DMTN: variants seen among roughly 807,000 people sequenced by gnomAD.
The protein encoded by DMTN is dematin.
In DMTN, 27 loss-of-function variants were observed where a neutral mutation model predicts 59.4. The observed-to-expected ratio is 0.45, with a 90% CI of 0.33 to 0.63. The LOEUF is 0.63. DMTN is among the 20% of genes least tolerant of loss of function. The pLI is 0.02. For missense variants in DMTN, 451 were observed against 528.9 expected (o/e 0.85, Z 1.45); for synonymous variants, 221 against 203.7 (o/e 1.08, Z -0.72).
At chr8:22,081,089 G>A (rs1823959331) in intron 14 of DMTN, 24 bp from the exon 15 acceptor site, 1 of 1,560,882 alleles carries the variant, frequency 6.4e-7, no homozygotes, top group Non-Finnish European at 8.8e-7. Context: ...GTGAGCCTAA[G>A]ATTGCCCCTC....
At position 22,079,759 on chromosome 8, in the gene DMTN, CA is replaced by C. The variant is rs964449487; in HGVS notation, c.836-411del. On this transcript the variant is annotated intron_variant, in intron 10 of 15. Transcript: ENST00000358242. ...ACAGGCATGAGCCACCACTCCTGGC[CA>C]AAAAAAAAATTTTTTTTTTTTAGAT... is the stretch of plus-strand genomic sequence containing the variant. 5.3e-4 allele frequency among the ~76,000 whole-genome samples: 78 copies of C among 147,656 alleles called. 1 individual carries two copies. In the East Asian group the frequency reaches 7.7e-3, roughly 15 times the overall value.
chr8:22,061,531 A>G (rs1036838342), intron 1 of DMTN, among the ~76,000 whole-genome samples: 5 of 152,042 alleles, frequency 3.3e-5, no homozygotes, highest in Non-Finnish European at 7.4e-5. Flanking sequence ...CACCTCTCTG[A>G]GTAGCCACCA....
upstream of DMTN, chr8:22,049,107 C>T (rs1801054256): frequency 6.7e-6 from 1 of 149,008 alleles, no homozygotes; most frequent in African/African-American, 2.4e-5. Context: ...TCCAGCCGGG[C>T]CCCGGGCCCC....
chr8:22,058,741 A>C lies in DMTN; in HGVS notation c.-172+1605A>C, dbSNP rs969982056. 2.6e-5 allele frequency among the ~76,000 whole-genome samples: 4 copies of C among 152,164 alleles called. No homozygotes were observed. Among genetic ancestry groups the C allele is most frequent in the Admixed American group, 6.5e-5 (1 of 15,292 alleles). On this transcript the variant is annotated intron_variant, in intron 1 of 15. Coordinates refer to ENST00000358242, the MANE Select transcript of DMTN (RefSeq NM_001387751.1). The surrounding 1 kb of genome is among the most constrained non-coding windows in gnomAD (Gnocchi z 4.3). ...TAGGGGAACCCTCATCCCAGCAGAC[A>C]CAACGGTAAAAAACATTGGAGTAGG...
Position 22,082,273 on chromosome 8 carries a change from C to A in DMTN, c.*810C>A, listed in dbSNP as rs1049939. On this transcript the variant is annotated 3_prime_UTR_variant, in exon 16 of 16. Coordinates refer to ENST00000358242, the MANE Select transcript of DMTN (RefSeq NM_001387751.1). The stretch of plus-strand genomic sequence containing the variant: ...CTCTCACCTACACCCACGCACCCCC[C>A]CACACACTATGCTCTCTCAAGAATG... The A allele has an allele frequency of 4.4e-6, 2 of 456,950 alleles. No homozygotes were observed. Among genetic ancestry groups the A allele is most frequent in the East Asian group, 7.0e-5 (1 of 14,386 alleles). 28.3% of individuals were successfully genotyped at this position (456,950 alleles called of 1,614,324 possible).
upstream of DMTN, among the ~76,000 whole-genome samples, chr8:22,050,746 GCCCTGGGT>G (rs1381324187): frequency 1.4e-4 from 21 of 151,428 alleles, no homozygotes; most frequent in African/African-American, 4.9e-4. Context: ...GCCTGCTCCC[GCCCTGGGT>G]CTCTGGGTCT....
chr8:22,074,409 G>C (rs924827332), intron 10 of DMTN, among the ~76,000 whole-genome samples: 1 of 152,190 alleles, frequency 6.6e-6, no homozygotes, highest in African/African-American at 2.4e-5. Context: ...GAGTAGCTGG[G>C]ATTAAAGGTG....
At position 22,060,435 on chromosome 8, in the gene DMTN, C is replaced by T. The variant is rs575825631; in HGVS notation, c.-172+3299C>T. On this transcript the variant is annotated intron_variant, in intron 1 of 15. Transcript: ENST00000358242. The surrounding 1 kb of genome is among the most constrained non-coding windows in gnomAD (Gnocchi z 5.0). The stretch of plus-strand genomic sequence containing the variant: ...CTCGCTCTCTCTCTCTCTCTCTCCC[C>T]CTCACACATGCGCACGCACACACAC... Among the ~76,000 whole-genome samples the T allele has an allele frequency of 1.9e-4, 28 of 147,002 alleles. No homozygotes were observed. In the East Asian group the frequency reaches 5.3e-3, roughly 28 times the overall value.
At chr8:22,072,829 G>C (rs1029438689) in intron 9 of DMTN, among the ~76,000 whole-genome samples, 10 of 151,920 alleles carry the variant, frequency 6.6e-5, no homozygotes, top group African/African-American at 2.2e-4. Context: ...TAGTCGAAGG[G>C]GTTCCTACCC....
At position 22,058,627 on chromosome 8, in the gene DMTN, C is replaced by A. The variant is rs1043889877; in HGVS notation, c.-172+1491C>A. On this transcript the variant is annotated intron_variant, in intron 1 of 15. Transcript: ENST00000358242. The surrounding 1 kb of genome is among the most constrained non-coding windows in gnomAD (Gnocchi z 4.3). ...TTGTTATTGAGAGAACAAGGGAGGG[C>A]AGGCCTTGAGCAGGGGGACTCTGGG... Among the ~76,000 whole-genome samples, 1 of 152,188 alleles carries A rather than the reference C, an allele frequency of 6.6e-6. No individual in the cohort carries two copies. The highest frequency in any genetic ancestry group is 1.5e-5 in the Non-Finnish European group (1 of 68,026).
At chr8:22,049,549 A>G (rs1479398225), upstream of DMTN, among the ~76,000 whole-genome samples, 1 of 136,590 alleles carries the variant, frequency 7.3e-6, no homozygotes, top group Non-Finnish European at 1.5e-5. Flanking sequence ...GTCGAGGGGG[A>G]GGTCTTCCTC....
At position 22,081,743 on chromosome 8, in the gene DMTN, C is replaced by A; in HGVS notation, c.*280C>A. 1.8e-6 allele frequency: 1 copy of A among 545,020 alleles called. No individual in the cohort carries two copies. The highest frequency in any genetic ancestry group is 3.4e-6 in the Non-Finnish European group (1 of 290,782). The allele number at this position is 545,020 out of a possible 1,614,324, so 33.8% of individuals were successfully genotyped here. ...AGTTCATGTTTGCGCCCTCTCCCTG[C>A]CCCTCACCCCAGAGGGTGAGGAGGA... On this transcript the variant is annotated 3_prime_UTR_variant, in exon 16 of 16. Coordinates refer to ENST00000358242, the MANE Select transcript of DMTN (RefSeq NM_001387751.1).
rs765363832 is a variant in DMTN at position 22,082,403 on chromosome 8, A to G, written c.*940A>G. Reference sequence around the variant, plus strand: ...TCCACGTGTGTATATAATGATATCTATATTTTTGCCCAGGTCTGGGTATTG... The same window carrying G: ...TCCACGTGTGTATATAATGATATCTGTATTTTTGCCCAGGTCTGGGTATTG... On this transcript the variant is annotated 3_prime_UTR_variant, in exon 16 of 16. Coordinates refer to ENST00000358242, the MANE Select transcript of DMTN (RefSeq NM_001387751.1). The G allele has an allele frequency of 8.4e-6, 3 of 359,254 alleles. No homozygotes were observed. The highest frequency in any genetic ancestry group is 6.1e-5 in the South Asian group (3 of 49,036). The allele number at this position is 359,254 out of a possible 1,614,324, so 22.3% of individuals were successfully genotyped here.
chr8:22,080,954 C>G (rs1823876821), intron 14 of DMTN, 84 bp downstream of exon 14: 1 of 1,508,866 alleles, frequency 6.6e-7, no homozygotes, highest in African/African-American at 1.4e-5. Context: ...GCGGGGTCTT[C>G]CTGGTGTTGA....
At chr8:22,071,916 C>T (rs1323852580) in intron 8 of DMTN, among the ~76,000 whole-genome samples, 1 of 151,894 alleles carries the variant, frequency 6.6e-6, no homozygotes, top group African/African-American at 2.4e-5. Flanking sequence ...TTTATTAAGA[C>T]AGGATCTCAC....
intron 1 of DMTN, among the ~76,000 whole-genome samples, chr8:22,063,580 C>T (rs920923406): frequency 6.6e-6 from 1 of 152,182 alleles, no homozygotes; most frequent in Non-Finnish European, 1.5e-5. Context: ...GCATCTCAAC[C>T]TCATGACCTC....
At position 22,080,265 on chromosome 8, in the gene DMTN, A is replaced by C. The variant is rs1301679730; in HGVS notation, c.900+21A>C. On this transcript the variant is annotated intron_variant, in intron 11 of 15. Coordinates refer to ENST00000358242, the MANE Select transcript of DMTN (RefSeq NM_001387751.1). ...GCCGGGTAAGGTCTCAGGACCAGAG[A>C]TATAGACTACGTGGGAGGAACGTGC... 5 of 1,614,108 alleles carry C rather than the reference A, an allele frequency of 3.1e-6. No individual in the cohort carries two copies. In the East Asian group the frequency reaches 1.1e-4, roughly 36 times the overall value.
At chr8:22,056,360 C>G (rs1304889694), upstream of DMTN, among the ~76,000 whole-genome samples, 2 of 152,162 alleles carry the variant, frequency 1.3e-5, no homozygotes, top group African/African-American at 4.8e-5. Flanking sequence ...GCCTGCACCC[C>G]CACCTCAAGA....
intron 1 of DMTN, among the ~76,000 whole-genome samples, chr8:22,062,910 G>A (rs903216580): frequency 4.0e-5 from 6 of 150,986 alleles, no homozygotes; most frequent in African/African-American, 9.8e-5. Context: ...TGGCCCCTGC[G>A]AGCTGCCATC....
Sources: allele counts gnomAD v4.1 joint callset (sites outside exome capture counted in the v4.1 genomes callset), GRCh38; gene constraint gnomAD v4.1.1; non-coding constraint Gnocchi (gnomAD v3.1); transcripts MANE v1.5; gene names NCBI Gene and HGNC (gene_info 2026-07-23, HGNC 2026-07-21).